The following ABCB9 variants were observed in gnomAD, a reference collection of about 807,000 sequenced individuals.
ABCB9 encodes ATP binding cassette subfamily B member 9, also known as ABC-type oligopeptide transporter ABCB9.
ABCB9 carries 36 observed loss-of-function variants against 62.0 expected under a neutral mutation model. The observed-to-expected ratio is 0.58, with a 90% CI of 0.45 to 0.77. The LOEUF is 0.77. Ranked by LOEUF, ABCB9 falls within the 30% of genes least tolerant of loss-of-function variation. ABCB9 has a pLI of 0.00. For synonymous variants in ABCB9, 435 were observed against 461.4 expected (o/e 0.94, Z 0.73); for missense variants, 943 against 1,054.7 (o/e 0.89, Z 1.47).
In ABCB9 at chr12:122,940,260, C is replaced by A; in HGVS notation, c.1594G>T (p.Gly532Cys). The stretch of plus-strand genomic sequence containing the variant: ...GGCCCCACCAGGGCCGTCACCTTGC[C>A]GGGGGACAGGCTGAAGGAGACATTC... ...LQNVSFSLSP[G>C]KVTALVGPSG... The change falls in exon 9 of 12, where the codon GGC (glycine) becomes TGC (cysteine). Residue 532 changes from glycine (G) to cysteine (C), a missense_variant. By Grantham distance (159) the Gly-to-Cys change is radical. Transcript: ENST00000280560. The surrounding 1 kb of genome is among the most constrained non-coding windows in gnomAD (Gnocchi z 4.8). 6.2e-7 allele frequency: 1 copy of A among 1,605,140 alleles called. No individual in the cohort carries two copies. The highest frequency in any genetic ancestry group is 8.5e-7 in the Non-Finnish European group (1 of 1,174,866).
At position 122,959,479 on chromosome 12, in the gene ABCB9, G is replaced by A. The variant is rs554285976; in HGVS notation, c.601+156C>T. 6.6e-6 allele frequency among the ~76,000 whole-genome samples: 1 copy of A among 152,202 alleles called. No individual in the cohort carries two copies. The highest frequency in any genetic ancestry group is 1.9e-4 in the East Asian group (1 of 5,190). ...TCCTACCTCAGCCTCCCAAAGTGCT[G>A]GGATTATAGATATGAGCCACTATGC... On this transcript the variant is annotated intron_variant, in intron 2 of 11. Coordinates refer to ENST00000280560, the MANE Select transcript of ABCB9 (RefSeq NM_019625.4). This position sits in a 1 kb window ranked among gnomAD's most constrained non-coding sequence, Gnocchi z 5.4.
At position 122,960,262 on chromosome 12, in the gene ABCB9, T is replaced by G; in HGVS notation, c.-27A>C. 1 of 1,600,102 alleles carries G rather than the reference T, an allele frequency of 6.2e-7. No homozygotes were observed. Among genetic ancestry groups the G allele is most frequent in the Non-Finnish European group, 8.5e-7 (1 of 1,171,744 alleles). On this transcript the variant is annotated 5_prime_UTR_variant, in exon 2 of 12. Transcript: ENST00000280560. ...CTGCTGGTTGGAGGTGGGCGGGTGC[T>G]GAAGGCCAGGTTGTAGCTCACGGGG...
intron 9 of ABCB9, chr12:122,939,855 G>A (rs770037824): frequency 3.0e-5 from 13 of 427,970 alleles, no homozygotes; most frequent in African/African-American, 1.2e-4. Context: ...TAATAGAGAC[G>A]GAGTCTCACT....
At chr12:122,974,165 G>A (rs1566207209) in intron 1 of ABCB9, among the ~76,000 whole-genome samples, 1 of 152,234 alleles carries the variant, frequency 6.6e-6, no homozygotes, top group Non-Finnish European at 1.5e-5. Context: ...TGGGTGGCTG[G>A]GGAGCCGACC....
chr12:122,924,722 T>TG (rs1226425688), downstream of ABCB9: 14 of 1,532,208 alleles, frequency 9.1e-6, no homozygotes, highest in East Asian at 3.4e-4. Flanking sequence ...CTCTCATCCC[T>TG]GCTTGTTTTC....
Position 122,959,510 on chromosome 12 carries a change from C to G in ABCB9, c.601+125G>C. 6.9e-7 allele frequency: 1 copy of G among 1,457,614 alleles called. No homozygotes were observed. The allele number at this position is 1,457,614 out of a possible 1,614,324, so 90.3% of individuals were successfully genotyped here. A position where few individuals can be genotyped will look rare whatever the true frequency, so the allele number is the denominator to read the frequency against. On this transcript the variant is annotated intron_variant, in intron 2 of 11. Coordinates refer to ENST00000280560, the MANE Select transcript of ABCB9 (RefSeq NM_019625.4). The surrounding 1 kb of genome is among the most constrained non-coding windows in gnomAD (Gnocchi z 5.4). ...ATAGATATGAGCCACTATGCCTGGC[C>G]TCTTTTCCTTTTCATATCAATTTGA...
At chr12:122,924,668 C>T, downstream of ABCB9, 1 of 1,507,134 alleles carries the variant, frequency 6.6e-7, no homozygotes, top group Non-Finnish European at 8.9e-7. Flanking sequence ...AGTCCTGGCG[C>T]CAGGACTAAG....
rs1241542364 is a variant in ABCB9 at position 122,929,078 on chromosome 12, C to T, written c.*833G>A. The T allele has an allele frequency of 2.8e-5, 28 of 986,074 alleles. No individual in the cohort carries two copies. The highest frequency in any genetic ancestry group is 3.4e-5 in the Non-Finnish European group (28 of 830,086). The allele number at this position is 986,074 out of a possible 1,614,324, so 61.1% of individuals were successfully genotyped here. A position where few individuals can be genotyped will look rare whatever the true frequency, so the allele number is the denominator to read the frequency against. On this transcript the variant is annotated 3_prime_UTR_variant, in exon 12 of 12. Coordinates refer to ENST00000280560, the MANE Select transcript of ABCB9 (RefSeq NM_019625.4). The surrounding 1 kb of genome is among the most constrained non-coding windows in gnomAD (Gnocchi z 6.0). ...CAAAGCCAGATCCTGGGCTTTGCCA[C>T]CATCCCATCCACCAAAGACAGAAGA...
chr12:122,954,171 C>CA (rs557726998), intron 2 of ABCB9, among the ~76,000 whole-genome samples: 9,216 of 114,728 alleles, frequency 0.08, 644 homozygotes, highest in African/African-American at 0.21. Context: ...GGCCCTGCCT[C>CA]AAAAAAAAAA....
upstream of ABCB9, among the ~76,000 whole-genome samples, chr12:122,968,072 GA>G (rs58427259): frequency 3.7e-4 from 49 of 132,394 alleles, no homozygotes; most frequent in African/African-American, 1.0e-3. Context: ...TCTGTAGCCA[GA>G]AAAAAAAAAA....
downstream of ABCB9, chr12:122,924,679 C>T (rs1468429140): frequency 1.3e-5 from 20 of 1,516,280 alleles, no homozygotes; most frequent in Admixed American, 2.0e-5. Flanking sequence ...CAGGACTAAG[C>T]CAGCCCTGGG....
chr12:122,942,363 G>A (rs960778699), intron 7 of ABCB9, among the ~76,000 whole-genome samples: 6 of 152,016 alleles, frequency 3.9e-5, no homozygotes, highest in African/African-American at 1.2e-4. Context: ...GGAGGCAGGC[G>A]GATCATTTGA....
intron 10 of ABCB9, among the ~76,000 whole-genome samples, chr12:122,934,231 G>C (rs2035341287): frequency 6.6e-6 from 1 of 152,186 alleles, no homozygotes; most frequent in South Asian, 2.1e-4. Flanking sequence ...CTGGGCGACA[G>C]AGTGAGACTG....
At chr12:122,967,980 T>C (rs116887147), upstream of ABCB9, among the ~76,000 whole-genome samples, 3,461 of 151,962 alleles carry the variant, frequency 0.023, 60 homozygotes, top group Middle Eastern at 0.037. Flanking sequence ...GTTACTACAG[T>C]AGCAAAAGTC....
At chr12:122,921,193 T>A (rs1466993483) in intron 11 of ABCB9, 11 of 724,408 alleles carry the variant, frequency 1.5e-5, no homozygotes, top group African/African-American at 5.3e-5. Context: ...GGCAGAAGGA[T>A]CGCTTGAAAC....
chr12:122,922,053 G>A (rs535849477), intron 11 of ABCB9, among the ~76,000 whole-genome samples: 4 of 152,106 alleles, frequency 2.6e-5, no homozygotes, highest in Non-Finnish European at 5.9e-5. Context: ...GGCCGCTCAG[G>A]TCTGGGCCAG....
At chr12:122,945,628 AG>A (rs2035990801) in intron 6 of ABCB9, among the ~76,000 whole-genome samples, 1 of 152,192 alleles carries the variant, frequency 6.6e-6, no homozygotes, top group African/African-American at 2.4e-5. Flanking sequence ...CTGTAATCCC[AG>A]CACTTTGGGA....
At chr12:122,941,770 G>A (rs867480155) in intron 7 of ABCB9, among the ~76,000 whole-genome samples, 1 of 152,008 alleles carries the variant, frequency 6.6e-6, no homozygotes, top group African/African-American at 2.4e-5. Flanking sequence ...CTGTTACCCA[G>A]GCTGGAGTGC....
chr12:122,971,832 A>G (rs2037273559), intron 1 of ABCB9, among the ~76,000 whole-genome samples: 1 of 152,146 alleles, frequency 6.6e-6, no homozygotes, highest in African/African-American at 2.4e-5. Context: ...TTCACTGACC[A>G]TAACAAATGT....
Sources: gnomAD v4.1 joint callset for allele counts (sites outside exome capture counted in the v4.1 genomes callset) on GRCh38, gnomAD v4.1.1 for gene constraint, Gnocchi (gnomAD v3.1) non-coding constraint, MANE v1.5 for transcripts, NCBI Gene and HGNC (gene_info 2026-07-23, HGNC 2026-07-21) for gene names.